The following IL12B variants were observed in gnomAD, a reference collection of about 807,000 sequenced individuals.
The protein encoded by IL12B is interleukin-12 subunit beta.
A neutral mutation model predicts 39.2 loss-of-function variants in IL12B; 27 were observed. That is an observed-to-expected ratio of 0.69 (90% CI 0.51 to 0.95). The LOEUF is 0.95. Among genes scored for constraint, IL12B ranks in the 40% least tolerant of loss-of-function variants. The pLI is 0.00. For synonymous variants in IL12B, 142 were observed against 152.1 expected (o/e 0.93, Z 0.49); for missense variants, 351 against 397.6 (o/e 0.88, Z 1.00).
At chr5:159,316,939 T>TG (rs1285988048) in intron 6 of IL12B, 123 bp from the exon 7 acceptor site, 1 of 1,073,536 alleles carries the variant, frequency 9.3e-7, no homozygotes, top group East Asian at 2.4e-5. Context: ...GCACTGTGCT[T>TG]GCAATTCACA....
In IL12B at chr5:159,320,329, C is replaced by T; in HGVS notation, c.674G>A (p.Ser225Asn). ...ACTGATGTCCCTGATGAAGAAGCTGCTGGTGTAGTTTTCATACTTGAGCTT... is the reference window on the plus strand; with the variant it reads ...ACTGATGTCCCTGATGAAGAAGCTGTTGGTGTAGTTTTCATACTTGAGCTT... ...VHKLKYENYT[S>N]SFFIRDIIKP... Residue 225 changes from serine (S) to asparagine (N), a missense_variant, in exon 5 of 8, where the codon AGC becomes AAC. By Grantham distance (46) the Ser-to-Asn change is conservative. Coordinates refer to ENST00000231228, the MANE Select transcript of IL12B (RefSeq NM_002187.3). 1 of 1,614,072 alleles carries T rather than the reference C, an allele frequency of 6.2e-7. No homozygotes were observed. Among genetic ancestry groups the T allele is most frequent in the Non-Finnish European group, 8.5e-7 (1 of 1,179,978 alleles).
intron 7 of IL12B, 146 bp from the exon 8 acceptor site, chr5:159,316,246 T>G: frequency 5.3e-6 from 1 of 189,976 alleles, no homozygotes; most frequent in Non-Finnish European, 1.1e-5. Flanking sequence ...GCCTGGAATT[T>G]GGCTGGCACC....
At chr5:159,327,385 GGGT>G (rs1463117358) in intron 1 of IL12B, among the ~76,000 whole-genome samples, 1 of 152,206 alleles carries the variant, frequency 6.6e-6, no homozygotes, top group Non-Finnish European at 1.5e-5. Context: ...TGAAGGACTT[GGGT>G]TAGGGACAGG....
rs768677098 is a variant in IL12B at position 159,318,883 on chromosome 5, G to C, written c.708C>G (p.Asp236Glu). The change falls in exon 6 of 8, where the codon GAC becomes GAG. Residue 236 changes from aspartate (D) to glutamate (E), a missense_variant. By Grantham distance (45) the Asp-to-Glu change is conservative. Coordinates refer to ENST00000231228, the MANE Select transcript of IL12B (RefSeq NM_002187.3). Reference sequence around the variant, plus strand: ...GCTTCAGCTGCAAGTTCTTGGGTGGGTCAGGTTTGACTGTGGAAGAGGATA... The same window carrying C: ...GCTTCAGCTGCAAGTTCTTGGGTGGCTCAGGTTTGACTGTGGAAGAGGATA... ...SFFIRDIIKP[D>E]PPKNLQLKPL... 3.7e-6 allele frequency: 6 copies of C among 1,613,932 alleles called. No homozygotes were observed. In the Admixed American group the frequency reaches 1.0e-4, roughly 27 times the overall value.
Position 159,323,341 on chromosome 5 carries a change from A to G in IL12B, c.89-12T>C. 1.9e-6 allele frequency: 3 copies of G among 1,613,262 alleles called. No homozygotes were observed. Among genetic ancestry groups the G allele is most frequent in the Non-Finnish European group, 2.5e-6 (3 of 1,179,902 alleles). On this transcript the variant is annotated splice_polypyrimidine_tract_variant and intron_variant, in intron 2 of 7. Transcript: ENST00000231228. ...TTCTACGACATAAACTGGAATGCAC[A>G]TAAAGTGGAGAACCAGGCTGTAAGC...
intron 1 of IL12B, among the ~76,000 whole-genome samples, chr5:159,329,284 G>C (rs1754240307): frequency 6.6e-6 from 1 of 152,174 alleles, no homozygotes; most frequent in South Asian, 2.1e-4. Context: ...TCCCTAGTTT[G>C]AGGGCCAGGC....
chr5:159,318,958 T>C, intron 5 of IL12B, 65 bp from the exon 6 acceptor site: 2 of 1,403,236 alleles, frequency 1.4e-6, no homozygotes, highest in Middle Eastern at 2.4e-4. Context: ...GGTTTTGGCT[T>C]ATGATCTCAC....
rs771683283 is a variant in IL12B, at chr5:159,316,747, G to A, written c.925C>T (p.Arg309Trp). The A allele has an allele frequency of 1.1e-5, 18 of 1,613,976 alleles. No homozygotes were observed. Among genetic ancestry groups the A allele is most frequent in the South Asian group, 9.9e-5 (9 of 91,058 alleles). Reference sequence around the variant, plus strand: ...GAGCTATAGTAGCGGTCCTGGGCCCGCACGCTAATGCTGGCATTTTTGCGG... The same window carrying A: ...GAGCTATAGTAGCGGTCCTGGGCCCACACGCTAATGCTGGCATTTTTGCGG... The part of the protein sequence containing the change: ...ICRKNASISV[R>W]AQDRYYSSSW... Residue 309 changes from arginine (R) to tryptophan (W), a missense_variant, in exon 7 of 8, where the codon CGG (arginine) becomes TGG (tryptophan). By Grantham distance (101) the Arg-to-Trp change is moderately radical (BLOSUM62 -3). Transcript: ENST00000231228.
At chr5:159,328,986 G>GT (rs1283545572) in intron 1 of IL12B, among the ~76,000 whole-genome samples, 7 of 152,158 alleles carry the variant, frequency 4.6e-5, no homozygotes, top group African/African-American at 1.4e-4. Flanking sequence ...AGCATGGTAA[G>GT]TCTGAGAGTC....
At chr5:159,324,544 T>C (rs1011142270) in intron 2 of IL12B, among the ~76,000 whole-genome samples, 1 of 152,222 alleles carries the variant, frequency 6.6e-6, no homozygotes, top group Non-Finnish European at 1.5e-5. Flanking sequence ...GCTCTCCAGA[T>C]GGTGCTGATG....
At chr5:159,330,165 TAAAAC>T (rs766029738) in intron 1 of IL12B, among the ~76,000 whole-genome samples, 5 of 152,190 alleles carry the variant, frequency 3.3e-5, no homozygotes, top group East Asian at 1.9e-4. Flanking sequence ...CAAAATAAGA[TAAAAC>T]AAACATTTCC....
Position 159,322,442 on chromosome 5 carries a change from A to G in IL12B, c.434T>C (p.Leu145Pro). Residue 145 changes from leucine to proline, a missense_variant, in exon 4 of 8, where the codon CTG (leucine) becomes CCG (proline). Transcript: ENST00000231228. ...NYSGRFTCWW[L>P]TTISTDLTFS... ...TGTCAAATCAGTACTGATTGTCGTC[A>G]GCCACCAGCAGGTGAAACGTCCAGA... 6.2e-7 allele frequency: 1 copy of G among 1,613,866 alleles called. No homozygotes were observed. The highest frequency in any genetic ancestry group is 1.1e-5 in the South Asian group (1 of 91,072).
In IL12B at chr5:159,323,340, C is replaced by G; in HGVS notation, c.89-11G>C. On this transcript the variant is annotated splice_polypyrimidine_tract_variant and intron_variant, in intron 2 of 7. Coordinates refer to ENST00000231228, the MANE Select transcript of IL12B (RefSeq NM_002187.3). Reference sequence around the variant, plus strand: ...ATTCTACGACATAAACTGGAATGCACATAAAGTGGAGAACCAGGCTGTAAG... The same window carrying G: ...ATTCTACGACATAAACTGGAATGCAGATAAAGTGGAGAACCAGGCTGTAAG... The G allele has an allele frequency of 1.2e-6, 2 of 1,613,242 alleles. No homozygotes were observed. The highest frequency in any genetic ancestry group is 1.7e-6 in the Non-Finnish European group (2 of 1,179,914).
chr5:159,329,510 TTG>T (rs1754242887), intron 1 of IL12B, among the ~76,000 whole-genome samples: 1 of 152,198 alleles, frequency 6.6e-6, no homozygotes, highest in African/African-American at 2.4e-5. Context: ...TCTTTACTGT[TTG>T]TCTTCTCTGC....
At chr5:159,316,443 T>C (rs541126229) in intron 7 of IL12B, among the ~76,000 whole-genome samples, 17 of 152,330 alleles carry the variant, frequency 1.1e-4, no homozygotes, top group South Asian at 2.1e-4. Context: ...GCCTTTCTCT[T>C]TAGGAGGCCA....
In IL12B at chr5:159,323,211, T is replaced by G; in HGVS notation, c.207A>C (p.Leu69Phe). 1.2e-6 allele frequency: 2 copies of G among 1,614,144 alleles called. No homozygotes were observed. Among genetic ancestry groups the G allele is most frequent in the Non-Finnish European group, 1.7e-6 (2 of 1,180,016 alleles). The change falls in exon 3 of 8, where the codon TTA (leucine) becomes TTC (phenylalanine). Residue 69 changes from leucine to phenylalanine, a missense_variant. By Grantham distance (22) the Leu-to-Phe change is conservative. Coordinates refer to ENST00000231228, the MANE Select transcript of IL12B (RefSeq NM_002187.3). ...GGATGGTCAGGGTTTTGCCAGAGCC[T>G]AAGACCTCACTGCTCTGGTCCAAGG... ...TWTLDQSSEVLGSGKTLTIQV... is the reference protein window; with the variant it reads ...TWTLDQSSEVFGSGKTLTIQV...
rs868312621 is a variant in IL12B at position 159,314,798 on chromosome 5, T to A, written c.*1303A>T. On this transcript the variant is annotated 3_prime_UTR_variant, in exon 8 of 8. Transcript: ENST00000231228. ...CCCAAAATATGATTACAAAGAAGAG[T>A]TTTTATTAGTTCAGCCTCAGAATGC... The A allele has an allele frequency of 3.3e-5, 5 of 151,790 alleles. No homozygotes were observed. Among genetic ancestry groups the A allele is most frequent in the African/African-American group, 1.2e-4 (5 of 41,250 alleles). 9.4% of individuals were successfully genotyped at this position (151,790 alleles called of 1,614,324 possible). A position where few individuals can be genotyped will look rare whatever the true frequency, so the allele number is the denominator to read the frequency against.
rs1201942023 is a variant in IL12B, at chr5:159,315,783, C to T, written c.*318G>A. ...TGGATCAGGTCATAAGAGTATGAAA[C>T]ATTCCATACATCCTGGCAGACAAAC... On this transcript the variant is annotated 3_prime_UTR_variant, in exon 8 of 8. Coordinates refer to ENST00000231228, the MANE Select transcript of IL12B (RefSeq NM_002187.3). 1 of 152,696 alleles carries T rather than the reference C, an allele frequency of 6.5e-6. No individual in the cohort carries two copies. The highest frequency in any genetic ancestry group is 2.4e-5 in the African/African-American group (1 of 41,428). 9.5% of individuals were successfully genotyped at this position (152,696 alleles called of 1,614,324 possible). A position where few individuals can be genotyped will look rare whatever the true frequency, so the allele number is the denominator to read the frequency against.
chr5:159,320,223 T>C, intron 5 of IL12B, 83 bp downstream of exon 5: 1 of 1,168,116 alleles, frequency 8.6e-7, no homozygotes. Flanking sequence ...GTCAACCACC[T>C]ACCCCACAGT....
Sources: allele counts gnomAD v4.1 joint callset (sites outside exome capture counted in the v4.1 genomes callset), GRCh38; gene constraint gnomAD v4.1.1; transcripts MANE v1.5; gene names NCBI Gene and HGNC (gene_info 2026-07-23, HGNC 2026-07-21).